CPAMD8: variants seen among roughly 807,000 people sequenced by gnomAD.
CPAMD8 encodes the protein C3 and PZP like alpha-2-macroglobulin domain containing 8.
Under a neutral mutation model 224.7 loss-of-function variants are expected in CPAMD8, and 146 were observed. The observed-to-expected ratio is 0.65, with a 90% confidence interval of 0.57 to 0.75. CPAMD8 has a LOEUF of 0.75. Ranked by LOEUF, CPAMD8 falls within the 30% of genes least tolerant of loss-of-function variation. The pLI is 0.00. For missense variants in CPAMD8, 2,301 were observed against 2,537.5 expected, an observed-to-expected ratio of 0.91 and a Z score of 2.00; for synonymous variants, 966 against 1,044.6, an observed-to-expected ratio of 0.92 and a Z score of 1.45.
At chr19:17,023,136 A>G (rs1015309979) in intron 1 of CPAMD8, among the ~76,000 whole-genome samples, 2 of 152,168 alleles carry the variant, frequency 1.3e-5, no homozygotes, top group African/African-American at 4.8e-5. Context: ...TCTGAAAACA[A>G]TGGAATCAAA....
intron 10 of CPAMD8, chr19:17,000,182 G>A (rs779921367): frequency 1.6e-4 from 62 of 395,864 alleles, no homozygotes; most frequent in Admixed American, 9.5e-4. Flanking sequence ...GTAAAACAGC[G>A]GTGGCTCACA....
chr19:16,916,876 AC>A (rs1020452771), intron 27 of CPAMD8, among the ~76,000 whole-genome samples: 46 of 152,000 alleles, frequency 3.0e-4, no homozygotes, highest in Admixed American at 1.9e-3. Context: ...TAGCCAGGAG[AC>A]CCCATGGCTC....
chr19:16,914,421 C>T lies in CPAMD8; in HGVS notation c.3861+3G>A, dbSNP rs1599687160. 1 of 1,613,920 alleles carries T rather than the reference C, an allele frequency of 6.2e-7. No individual in the cohort carries two copies. Among genetic ancestry groups the T allele is most frequent in the Non-Finnish European group, 8.5e-7 (1 of 1,179,882 alleles). ...AGTCTCCCCAAACCCCTTCTGTACT[C>T]ACCTCTGAGGCTGTGCCTGTTTCCA... is the stretch of plus-strand genomic sequence containing the variant. On this transcript the variant is annotated splice_donor_region_variant and intron_variant, in intron 29 of 41. Transcript: ENST00000443236.
At chr19:16,904,991 A>G in intron 30 of CPAMD8, among the ~76,000 whole-genome samples, 1 of 152,194 alleles carries the variant, frequency 6.6e-6, no homozygotes, top group East Asian at 1.9e-4. Context: ...CTGTAATCCG[A>G]GCACTTTGGG....
rs748354838 is a variant in CPAMD8 at position 16,952,083 on chromosome 19, C to T, written c.2394G>A (p.Leu798=). 9.6e-6 allele frequency: 15 copies of T among 1,564,156 alleles called. No individual in the cohort carries two copies. The highest frequency in any genetic ancestry group is 1.7e-4 in the Middle Eastern group (1 of 6,036). The change falls in exon 20 of 42, where the codon CTG becomes CTA. Residue 798 remains leucine (L), a synonymous_variant. Transcript: ENST00000443236. ...SQGLGIAEPS[L]LKTFKPFFVD... is the part of the protein sequence containing the mutation. ...CGAAGAAGGGCTTGAAGGTCTTCAG[C>T]AGGGAGGGCTCGGCGATGCCTAAGC...
chr19:16,941,838 T>G (rs893706855), intron 22 of CPAMD8, among the ~76,000 whole-genome samples: 1 of 152,094 alleles, frequency 6.6e-6, no homozygotes, highest in African/African-American at 2.4e-5. Flanking sequence ...CCGGGCATGG[T>G]GGCAGGTGCC....
intron 21 of CPAMD8, among the ~76,000 whole-genome samples, chr19:16,946,375 ATT>A (rs2122256609): frequency 8.1e-6 from 1 of 123,384 alleles, no homozygotes; most frequent in Non-Finnish European, 1.6e-5. Flanking sequence ...GTGTGTGTGG[ATT>A]TGTGTGTGTG....
Position 16,993,639 on chromosome 19 carries a change from A to G in CPAMD8, c.1096-53T>C, listed in dbSNP as rs532253095. On this transcript the variant is annotated intron_variant, in intron 11 of 41. Coordinates refer to ENST00000443236, the MANE Select transcript of CPAMD8 (RefSeq NM_015692.5). ...GAGTTAAGACGGCCATGCTCCCCAA[A>G]CTGATCTGCAGAATCAACGCAATCC... The G allele has an allele frequency of 2.0e-6, 3 of 1,530,640 alleles. No homozygotes were observed. In the East Asian group the frequency reaches 6.8e-5, roughly 35 times the overall value. 94.8% of individuals were successfully genotyped at this position (1,530,640 alleles called of 1,614,324 possible).
chr19:16,969,885 A>C (rs1471056264), intron 18 of CPAMD8, among the ~76,000 whole-genome samples: 3 of 150,338 alleles, frequency 2.0e-5, no homozygotes, highest in Non-Finnish European at 3.0e-5. Context: ...AAAAAAAAAA[A>C]AAAACAAAAA....
chr19:17,009,202 C>T, intron 6 of CPAMD8, 101 bp downstream of exon 6: 4 of 1,603,380 alleles, frequency 2.5e-6, no homozygotes, highest in Non-Finnish European at 3.4e-6. Flanking sequence ...CACAGCGGCT[C>T]AACCCAGAAG....
rs750090744 is a variant in CPAMD8, at chr19:16,898,019, C to T, written c.4849-25G>A. On this transcript the variant is annotated intron_variant, in intron 37 of 41. Transcript: ENST00000443236. This position sits in a 1 kb window ranked among gnomAD's most constrained non-coding sequence, Gnocchi z 4.2. Reference sequence around the variant, plus strand: ...TCTGTGGGGCAGCGGCGGGCGCAGGCTCGACCCGGGCCAGGAGGCCCGGGG... The same window carrying T: ...TCTGTGGGGCAGCGGCGGGCGCAGGTTCGACCCGGGCCAGGAGGCCCGGGG... The T allele has an allele frequency of 3.2e-6, 5 of 1,580,266 alleles. No homozygotes were observed. The South Asian group carries it at 4.5e-5, about 14-fold the overall frequency.
Position 16,980,372 on chromosome 19 carries a change from C to T in CPAMD8, c.1585+125G>A, listed in dbSNP as rs537487801. 4.3e-5 allele frequency: 36 copies of T among 840,510 alleles called. No individual in the cohort carries two copies. In the East Asian group the frequency reaches 8.4e-4, roughly 20 times the overall value. The allele number at this position is 840,510 out of a possible 1,614,324, so 52.1% of individuals were successfully genotyped here. On this transcript the variant is annotated intron_variant, in intron 14 of 41. Transcript: ENST00000443236. The stretch of plus-strand genomic sequence containing the variant: ...TCTGGTATTGTTAAGGATGTGTCCC[C>T]TCTGACCCAAGGCATGCTCCCCTCT...
chr19:17,020,491 GC>G (rs1291953511), intron 2 of CPAMD8, 138 bp from the exon 3 acceptor site: 2 of 672,398 alleles, frequency 3.0e-6, no homozygotes, highest in Non-Finnish European at 2.6e-6. Flanking sequence ...GGTCATGCTG[GC>G]CTGGACTGGG....
At chr19:17,012,237 T>C (rs2056675844) in intron 3 of CPAMD8, among the ~76,000 whole-genome samples, 1 of 152,188 alleles carries the variant, frequency 6.6e-6, no homozygotes, top group Non-Finnish European at 1.5e-5. Flanking sequence ...CAGGCTGGTC[T>C]TGAACTCCTG....
Position 17,009,295 on chromosome 19 carries a change from C to A in CPAMD8, c.504+8G>T. 6.2e-7 allele frequency: 1 copy of A among 1,614,050 alleles called. No individual in the cohort carries two copies. Reference sequence around the variant, plus strand: ...AGTCCAAGCCGAGGAAGGACAGAGGCCACTCACCAGGATGTAGGCTTCCAG... The same window carrying A: ...AGTCCAAGCCGAGGAAGGACAGAGGACACTCACCAGGATGTAGGCTTCCAG... On this transcript the variant is annotated splice_region_variant and intron_variant, in intron 6 of 41. Coordinates refer to ENST00000443236, the MANE Select transcript of CPAMD8 (RefSeq NM_015692.5).
intron 1 of CPAMD8, 83 bp downstream of exon 1, chr19:17,026,468 G>A (rs1271554585): frequency 5.2e-6 from 7 of 1,352,590 alleles, no homozygotes; most frequent in African/African-American, 4.6e-5. Context: ...GCCTTGGGCA[G>A]GTCGCTGCAA....
intron 16 of CPAMD8, 52 bp downstream of exon 16, chr19:16,975,950 G>C (rs1427202374): frequency 1.0e-5 from 15 of 1,443,276 alleles, no homozygotes; most frequent in Non-Finnish European, 1.3e-5. Flanking sequence ...GAGAGCAAGA[G>C]AAGGTAAAGC....
rs2054039159 is a variant in CPAMD8, at chr19:16,945,495, T to C, written c.2793+54A>G. ...CACACTCCAGCTGGGCCCAGCTTCA[T>C]GGCTGAAGGAATGAGGCCCTGGCTA... On this transcript the variant is annotated intron_variant, in intron 22 of 41. Coordinates refer to ENST00000443236, the MANE Select transcript of CPAMD8 (RefSeq NM_015692.5). 2.5e-6 allele frequency: 4 copies of C among 1,589,874 alleles called. No individual in the cohort carries two copies. In the Admixed American group the frequency reaches 6.8e-5, roughly 27 times the overall value.
chr19:16,992,453 CTTGT>C (rs767644229), intron 12 of CPAMD8, among the ~76,000 whole-genome samples: 10 of 150,272 alleles, frequency 6.7e-5, no homozygotes, highest in African/African-American at 1.7e-4. Flanking sequence ...TATTTATTTG[CTTGT>C]TTGTTTGTTT....
Sources: gnomAD v4.1 joint callset for allele counts (sites outside exome capture counted in the v4.1 genomes callset) on GRCh38, gnomAD v4.1.1 for gene constraint, Gnocchi (gnomAD v3.1) non-coding constraint, MANE v1.5 for transcripts, NCBI Gene and HGNC (gene_info 2026-07-23, HGNC 2026-07-21) for gene names.